Variants in MEI4 observed in about 807,000 individuals in gnomAD.
The protein encoded by MEI4 is meiosis-specific protein MEI4.
In MEI4, 27 loss-of-function variants were observed where a neutral mutation model predicts 31.4. The ratio of observed to expected loss-of-function variants is 0.86; its 90% CI spans 0.63 to 1.19. The LOEUF (loss-of-function observed/expected upper bound fraction) is 1.19. Ranked by LOEUF, MEI4 falls within the 50% of genes most tolerant of loss-of-function variation. The pLI, the probability that MEI4 is intolerant of heterozygous loss-of-function variation, is 0.00. For missense variants in MEI4, 329 were observed against 398.9 expected, an observed-to-expected ratio of 0.82 and a Z score of 1.49; for synonymous variants, 122 against 145.4, an observed-to-expected ratio of 0.84 and a Z score of 1.16.
At chr6:77,788,892 G>A (rs1768831894) in intron 3 of MEI4, among the ~76,000 whole-genome samples, 1 of 152,012 alleles carries the variant, frequency 6.6e-6, no homozygotes, top group Non-Finnish European at 1.5e-5. Flanking sequence ...TCACAGAATT[G>A]GAAAAAACTA....
chr6:77,865,702 A>G (rs1215319046), intron 4 of MEI4, among the ~76,000 whole-genome samples: 1 of 152,204 alleles, frequency 6.6e-6, no homozygotes, highest in Non-Finnish European at 1.5e-5. Context: ...CAATAGAAAA[A>G]GAGGGAATCC....
At chr6:77,709,358 T>G (rs575275464) in intron 2 of MEI4, among the ~76,000 whole-genome samples, 3 of 152,194 alleles carry the variant, frequency 2.0e-5, no homozygotes, top group Non-Finnish European at 4.4e-5. Flanking sequence ...TTCCATGAGA[T>G]CTTGTACCCA....
chr6:77,736,421 C>T (rs888568725), intron 2 of MEI4, among the ~76,000 whole-genome samples: 1 of 152,090 alleles, frequency 6.6e-6, no homozygotes, highest in Non-Finnish European at 1.5e-5. Context: ...TCACCCCTTT[C>T]TTTGACTAGG....
intron 4 of MEI4, among the ~76,000 whole-genome samples, chr6:77,864,507 G>A (rs1770962657): frequency 6.6e-6 from 1 of 152,222 alleles, no homozygotes; most frequent in South Asian, 2.1e-4. Flanking sequence ...ATGGTAAAAG[G>A]ATCAATTCAA....
intron 1 of MEI4, among the ~76,000 whole-genome samples, chr6:77,681,470 T>C (rs979844160): frequency 2.6e-5 from 4 of 152,238 alleles, no homozygotes; most frequent in Non-Finnish European, 5.9e-5. Flanking sequence ...ATAGTACATA[T>C]CTGCTCCCTA....
chr6:77,729,691 C>G (rs1431066471), intron 2 of MEI4, among the ~76,000 whole-genome samples: 2 of 151,804 alleles, frequency 1.3e-5, no homozygotes, highest in African/African-American at 4.8e-5. Flanking sequence ...AGGGTACAAA[C>G]AGTGTAGAGA....
At chr6:77,768,252 T>C (rs1401048074) in intron 3 of MEI4, among the ~76,000 whole-genome samples, 3 of 152,174 alleles carry the variant, frequency 2.0e-5, no homozygotes, top group Non-Finnish European at 4.4e-5. Flanking sequence ...GATTTTTTTT[T>C]CCTAAGTGCA....
intron 1 of MEI4, among the ~76,000 whole-genome samples, chr6:77,687,808 C>T (rs1769086297): frequency 6.6e-6 from 1 of 152,092 alleles, no homozygotes; most frequent in African/African-American, 2.4e-5. Flanking sequence ...GTGCCACCTT[C>T]TTAGCATCCT....
chr6:77,795,079 C>T (rs1769041674), intron 3 of MEI4, among the ~76,000 whole-genome samples: 1 of 152,094 alleles, frequency 6.6e-6, no homozygotes, highest in East Asian at 1.9e-4. Flanking sequence ...AAAAGCAGTT[C>T]TAAGGGTGAA....
At chr6:77,803,859 A>C (rs930914539) in intron 3 of MEI4, among the ~76,000 whole-genome samples, 1 of 152,108 alleles carries the variant, frequency 6.6e-6, no homozygotes, top group African/African-American at 2.4e-5. Flanking sequence ...GTACCCAGCC[A>C]TGTGAGTTGT....
intron 3 of MEI4, among the ~76,000 whole-genome samples, chr6:77,817,917 TCTTA>T (rs1368403425): frequency 1.3e-5 from 2 of 152,294 alleles, no homozygotes; most frequent in East Asian, 3.9e-4. Context: ...TTAGGCAGTG[TCTTA>T]CTTCTTTCTG....
chr6:77,775,607 T>C (rs1333017565), intron 3 of MEI4, among the ~76,000 whole-genome samples: 4 of 152,178 alleles, frequency 2.6e-5, no homozygotes, highest in Non-Finnish European at 5.9e-5. Flanking sequence ...TTGGGCCAGT[T>C]TCATATATTT....
At chr6:77,690,928 G>A in intron 2 of MEI4, 25 bp downstream of exon 2, 1 of 1,126,436 alleles carries the variant, frequency 8.9e-7, no homozygotes, top group Non-Finnish European at 1.1e-6. Flanking sequence ...TTGCCTTTTG[G>A]TAGTATGTCA....
At chr6:77,882,471 A>G (rs188932416) in intron 4 of MEI4, among the ~76,000 whole-genome samples, 54 of 152,318 alleles carry the variant, frequency 3.5e-4, no homozygotes, top group Non-Finnish European at 2.5e-4. Context: ...AAAGGCCCAG[A>G]AAGTTTAATG....
At chr6:77,729,977 G>T (rs1766930926) in intron 2 of MEI4, among the ~76,000 whole-genome samples, 1 of 152,018 alleles carries the variant, frequency 6.6e-6, no homozygotes, top group African/African-American at 2.4e-5. Flanking sequence ...TAACATCCCA[G>T]CAGCATAGAT....
chr6:77,680,571 A>G (rs1014955833), intron 1 of MEI4, among the ~76,000 whole-genome samples: 1 of 152,216 alleles, frequency 6.6e-6, no homozygotes, highest in Admixed American at 6.5e-5. Context: ...AAGTTAAGGA[A>G]TGAGCTTAAA....
chr6:77,712,373 C>T (rs1004796756), intron 2 of MEI4, among the ~76,000 whole-genome samples: 4 of 151,936 alleles, frequency 2.6e-5, no homozygotes, highest in Non-Finnish European at 5.9e-5. Context: ...GTGGTACATG[C>T]TTTTTTTCCC....
chr6:77,844,088 T>A (rs1770423878), intron 4 of MEI4, among the ~76,000 whole-genome samples: 1 of 152,120 alleles, frequency 6.6e-6, no homozygotes, highest in Admixed American at 6.6e-5. Flanking sequence ...TTATGAGTAG[T>A]CTTCAAACAG....
chr6:77,920,454 C>CG (rs1303147728), intron 4 of MEI4, among the ~76,000 whole-genome samples: 1 of 151,950 alleles, frequency 6.6e-6, no homozygotes, highest in African/African-American at 2.4e-5. Context: ...CTATTTTCAC[C>CG]GCATCTGCAG....
Sources: gnomAD v4.1 joint callset for allele counts (sites outside exome capture counted in the v4.1 genomes callset) on GRCh38, gnomAD v4.1.1 for gene constraint, MANE v1.5 for transcripts, NCBI Gene and HGNC (gene_info 2026-07-23, HGNC 2026-07-21) for gene names.